Variants in ZNF100 observed in about 807,000 individuals in gnomAD.
ZNF100 encodes zinc finger protein 100, also known as zinc finger protein 100 (Y1).
A neutral mutation model predicts 15.8 loss-of-function variants in ZNF100; 12 were observed. The observed-to-expected ratio is 0.76, with a 90% confidence interval of 0.49 to 1.23. The LOEUF (loss-of-function observed/expected upper bound fraction) is 1.23, where lower values mean the gene tolerates loss of function less well. Ranked by LOEUF, ZNF100 falls within the 50% of genes most tolerant of loss-of-function variation. The probability of loss-of-function intolerance (pLI) is 0.00; values close to 1 mark genes in which losing one functional copy is unlikely to be tolerated. For synonymous variants in ZNF100, 226 were observed against 214.8 expected (o/e 1.05, Z -0.45); for missense variants, 670 against 635.6 (o/e 1.05, Z -0.58).
At chr19:21,744,893 A>G in intron 3 of ZNF100, 48 bp downstream of exon 3, 1 of 1,581,832 alleles carries the variant, frequency 6.3e-7, no homozygotes. Flanking sequence ...ACAAAAAAAG[A>G]GAAACCTTTA....
Position 21,767,524 on chromosome 19 carries a change from G to A in ZNF100, c.-95C>T. ...ACAGGCTAGGCCCCTAGGAGCAGAAGACACAGAGAAGTGAGAGCAAAACCT... is the reference window on the plus strand; with the variant it reads ...ACAGGCTAGGCCCCTAGGAGCAGAAAACACAGAGAAGTGAGAGCAAAACCT... On this transcript the variant is annotated 5_prime_UTR_variant, in exon 1 of 5. Transcript: ENST00000358296. The A allele has an allele frequency of 5.1e-6, 8 of 1,567,940 alleles. No individual in the cohort carries two copies. Among genetic ancestry groups the A allele is most frequent in the Non-Finnish European group, 6.9e-6 (8 of 1,151,520 alleles).
intron 2 of ZNF100, among the ~76,000 whole-genome samples, chr19:21,755,449 C>T (rs1389065536): frequency 6.6e-6 from 1 of 151,980 alleles, no homozygotes; most frequent in African/African-American, 2.4e-5. Context: ...GCCGGTGAGG[C>T]TGTGGAGAAA....
chr19:21,763,803 C>CT (rs909572232), intron 2 of ZNF100, among the ~76,000 whole-genome samples: 15 of 152,262 alleles, frequency 9.9e-5, no homozygotes, highest in African/African-American at 2.9e-4. Flanking sequence ...TCTCTCTAAT[C>CT]TTTTTTGCTC....
chr19:21,749,153 T>C (rs887117208), intron 2 of ZNF100, among the ~76,000 whole-genome samples: 3 of 152,196 alleles, frequency 2.0e-5, no homozygotes, highest in African/African-American at 7.2e-5. Flanking sequence ...ATTTTTTGAA[T>C]GACCTTATGA....
At position 21,765,884 on chromosome 19, in the gene ZNF100, C is replaced by T. The variant is rs954045632; in HGVS notation, c.4-98G>A. The T allele has an allele frequency of 4.0e-6, 5 of 1,255,114 alleles. No individual in the cohort carries two copies. In the African/African-American group the frequency reaches 7.5e-5, roughly 19 times the overall value. The allele number at this position is 1,255,114 out of a possible 1,614,324, so 77.7% of individuals were successfully genotyped here. A position where few individuals can be genotyped will look rare whatever the true frequency, so the allele number is the denominator to read the frequency against. ...GGTTTATCCACAGATAGTACTGAAACCCAGGACCAGGAAAAAACTAAAGGG... is the reference window on the plus strand; with the variant it reads ...GGTTTATCCACAGATAGTACTGAAATCCAGGACCAGGAAAAAACTAAAGGG... On this transcript the variant is annotated intron_variant, in intron 1 of 4. Coordinates refer to ENST00000358296, the MANE Select transcript of ZNF100 (RefSeq NM_173531.4).
Position 21,725,290 on chromosome 19 carries a change from A to G in ZNF100, c.*1393T>C. 6.6e-6 allele frequency: 1 copy of G among 152,322 alleles called. No homozygotes were observed. The allele number at this position is 152,322 out of a possible 1,614,324, so 9.4% of individuals were successfully genotyped here. The stretch of plus-strand genomic sequence containing the variant: ...GTATTTAACATGTTAAAAAGGTTGA[A>G]TATATTAACATCACATATAATCTGA... On this transcript the variant is annotated 3_prime_UTR_variant, in exon 5 of 5. Transcript: ENST00000358296.
At chr19:21,734,077 C>CCAAAAA (rs1016195157) in intron 4 of ZNF100, among the ~76,000 whole-genome samples, 26 of 152,116 alleles carry the variant, frequency 1.7e-4, no homozygotes, top group Non-Finnish European at 1.8e-4. Context: ...GCCTCAAAGA[C>CCAAAAA]CAAAGCTAGA....
At chr19:21,754,737 G>T (rs1487781363) in intron 2 of ZNF100, among the ~76,000 whole-genome samples, 1 of 152,074 alleles carries the variant, frequency 6.6e-6, no homozygotes, top group Non-Finnish European at 1.5e-5. Context: ...AAAGGCATGG[G>T]AAAGACTTCA....
chr19:21,761,047 C>T (rs143579995), intron 2 of ZNF100, among the ~76,000 whole-genome samples: 188 of 152,040 alleles, frequency 1.2e-3, no homozygotes, highest in African/African-American at 4.3e-3. Context: ...GGTGAGCAAC[C>T]GTGCCCGGCC....
At position 21,727,085 on chromosome 19, in the gene ZNF100, G is replaced by GGA; in HGVS notation, c.1226_1227insTC (p.Phe410ProfsTer41). On this transcript the variant is annotated frameshift_variant, in exon 5 of 5. Coordinates refer to ENST00000358296, the MANE Select transcript of ZNF100 (RefSeq NM_173531.4). LOFTEE classifies it low-confidence loss of function (END_TRUNC). ...TAGTGAGGGCTGAGGACCAGTTAAA[G>GGA]CCTTTGCCGCATTCTTCACATTTGT... 3 of 1,612,298 alleles carry GGA rather than the reference G, an allele frequency of 1.9e-6. No homozygotes were observed.
At position 21,760,906 on chromosome 19, in the gene ZNF100, G is replaced by A. The variant is rs986334708; in HGVS notation, c.96+4788C>T. On this transcript the variant is annotated intron_variant, in intron 2 of 4. Coordinates refer to ENST00000358296, the MANE Select transcript of ZNF100 (RefSeq NM_173531.4). ...CGAGTAGCTGGGACTACAGGTGCCC[G>A]CAACCATGTCCCACTATTTTTTTTT... 3.3e-5 allele frequency among the ~76,000 whole-genome samples: 5 copies of A among 151,780 alleles called. No individual in the cohort carries two copies. In the South Asian group the frequency reaches 1.0e-3, roughly 32 times the overall value.
chr19:21,748,213 T>G (rs2036244364), intron 2 of ZNF100, among the ~76,000 whole-genome samples: 1 of 152,200 alleles, frequency 6.6e-6, no homozygotes, highest in Non-Finnish European at 1.5e-5. Flanking sequence ...TATCTGCTTT[T>G]GGGTTGCAGG....
intron 2 of ZNF100, among the ~76,000 whole-genome samples, chr19:21,759,949 G>A (rs1033179142): frequency 5.3e-5 from 8 of 152,250 alleles, no homozygotes; most frequent in African/African-American, 1.7e-4. Flanking sequence ...TTCGGAGGCC[G>A]AGATGGGTGG....
At chr19:21,745,260 A>G (rs1599392234) in intron 2 of ZNF100, among the ~76,000 whole-genome samples, 193 bp from the exon 3 acceptor site, 1 of 152,256 alleles carries the variant, frequency 6.6e-6, no homozygotes, top group Non-Finnish European at 1.5e-5. Flanking sequence ...AGAGAATGGC[A>G]TAAGATCCAC....
intron 4 of ZNF100, among the ~76,000 whole-genome samples, chr19:21,735,789 G>A (rs116654331): frequency 0.019 from 2,929 of 152,052 alleles, 97 homozygotes; most frequent in African/African-American, 0.064. Context: ...TTTATTGCTC[G>A]CTTGATTGAT....
chr19:21,729,576 GA>G (rs2035876502), intron 4 of ZNF100, among the ~76,000 whole-genome samples: 1 of 149,864 alleles, frequency 6.7e-6, no homozygotes, highest in Non-Finnish European at 1.5e-5. Flanking sequence ...AATAATGAAA[GA>G]AAAAATAAAA....
rs557684644 is a variant in ZNF100, at chr19:21,738,245, T to C, written c.322+5772A>G. On this transcript the variant is annotated intron_variant, in intron 4 of 4. Transcript: ENST00000358296. The stretch of plus-strand genomic sequence containing the variant: ...CAGCCTGGGCGATAGAGTGACACTA[T>C]GTCAAAAAAAAAAAAAAAAAAAAAA... Among the ~76,000 whole-genome samples, 357 of 74,210 alleles carry C rather than the reference T, an allele frequency of 4.8e-3. 2 individuals are homozygous for C. The highest frequency in any genetic ancestry group is 0.02 in the African/African-American group (328 of 16,304). The allele number at this position is 74,210 out of a possible 152,430, so 48.7% of individuals were successfully genotyped here.
At position 21,745,085 on chromosome 19, in the gene ZNF100, A is replaced by T. The variant is rs1241030910; in HGVS notation, c.97-18T>A. On this transcript the variant is annotated intron_variant, in intron 2 of 4. Coordinates refer to ENST00000358296, the MANE Select transcript of ZNF100 (RefSeq NM_173531.4). Reference sequence around the variant, plus strand: ...AATGGCCCCTGAAAAGCACAAGCACAGAGACACACATATATTTACCAAGTG... The same window carrying T: ...AATGGCCCCTGAAAAGCACAAGCACTGAGACACACATATATTTACCAAGTG... 1 of 1,590,124 alleles carries T rather than the reference A, an allele frequency of 6.3e-7. No individual in the cohort carries two copies. Among genetic ancestry groups the T allele is most frequent in the African/African-American group, 1.4e-5 (1 of 73,952 alleles).
chr19:21,731,517 C>A (rs1179960346), intron 4 of ZNF100, among the ~76,000 whole-genome samples: 1 of 151,978 alleles, frequency 6.6e-6, no homozygotes, highest in Admixed American at 6.6e-5. Context: ...CCATGTTGGC[C>A]AGGATGGTCT....
Sources: gnomAD v4.1 joint callset for allele counts (sites outside exome capture counted in the v4.1 genomes callset) on GRCh38, gnomAD v4.1.1 for gene constraint, MANE v1.5 for transcripts, NCBI Gene and HGNC (gene_info 2026-07-23, HGNC 2026-07-21) for gene names.